EBF1: variants seen among roughly 807,000 people sequenced by gnomAD.
EBF1 encodes the protein transcription factor COE1.
Under a neutral mutation model 68.4 loss-of-function variants are expected in EBF1, and 10 were observed. The observed-to-expected ratio is 0.15, with a 90% CI of 0.09 to 0.25. The LOEUF is 0.25. Ranked by LOEUF, EBF1 falls within the 10% of genes least tolerant of loss-of-function variation. The pLI, the probability that EBF1 is intolerant of heterozygous loss-of-function variation, is 1.00. For synonymous variants in EBF1, 298 were observed against 299.8 expected, an observed-to-expected ratio of 0.99 and a Z score of 0.06; for missense variants, 509 against 794.4, an observed-to-expected ratio of 0.64 and a Z score of 4.32.
In EBF1 at chr5:159,099,356, C is replaced by A. The variant is rs761026683; in HGVS notation, c.123G>T (p.Thr41=). Residue 41 remains threonine, a synonymous_variant, in exon 1 of 16, where the codon ACG becomes ACT. Coordinates refer to ENST00000313708, the MANE Select transcript of EBF1 (RefSeq NM_024007.5). ...CGCGCAGTACCCACCTCTGCGCCGC[C>A]GTGTTGGCGTCCAGCACCCCGGCGC... is the stretch of plus-strand genomic sequence containing the variant. ...MQGAGVLDAN[T]AAQSGVGLAR... The A allele has an allele frequency of 6.3e-7, 1 of 1,588,174 alleles. No individual in the cohort carries two copies. The highest frequency in any genetic ancestry group is 8.6e-7 in the Non-Finnish European group (1 of 1,168,694).
At position 158,848,449 on chromosome 5, in the gene EBF1, C is replaced by T. The variant is rs13361537; in HGVS notation, c.555-8339G>A. On this transcript the variant is annotated intron_variant, in intron 6 of 15. Transcript: ENST00000313708. ...ATTTTAATATTTTTTGAGTTTGCTC[C>T]CAACCACTCTCACCCTATTTGTGAT... 8.6e-3 allele frequency among the ~76,000 whole-genome samples: 1,306 copies of T among 152,144 alleles called. 25 individuals carry two copies. Among genetic ancestry groups the T allele is most frequent in the African/African-American group, 0.03 (1,241 of 41,490 alleles).
chr5:158,698,616 G>A lies in EBF1; in HGVS notation c.*495C>T. 2 of 217,870 alleles carry A rather than the reference G, an allele frequency of 9.2e-6. No individual in the cohort carries two copies. The highest frequency in any genetic ancestry group is 1.8e-5 in the Non-Finnish European group (2 of 109,354). The allele number at this position is 217,870 out of a possible 1,614,324, so 13.5% of individuals were successfully genotyped here. On this transcript the variant is annotated 3_prime_UTR_variant, in exon 16 of 16. Coordinates refer to ENST00000313708, the MANE Select transcript of EBF1 (RefSeq NM_024007.5). The stretch of plus-strand genomic sequence containing the variant: ...TTAGTTTTTCTAAAAAATCTAACTG[G>A]CATTCCTATTCTGTCCCATACAAGC...
chr5:158,923,234 T>A (rs1244672960), intron 6 of EBF1, among the ~76,000 whole-genome samples: 3 of 152,306 alleles, frequency 2.0e-5, no homozygotes, highest in South Asian at 2.1e-4. Flanking sequence ...GGGGGTAAAA[T>A]TTTTTTAAAG....
At chr5:159,030,524 T>C (rs1398381424) in intron 6 of EBF1, among the ~76,000 whole-genome samples, 1 of 152,182 alleles carries the variant, frequency 6.6e-6, no homozygotes, top group Non-Finnish European at 1.5e-5. Flanking sequence ...GAAAGCCTCC[T>C]GCAGAGGCGA....
chr5:159,021,137 A>G (rs1008287664), intron 6 of EBF1, among the ~76,000 whole-genome samples: 2 of 152,206 alleles, frequency 1.3e-5, no homozygotes, highest in African/African-American at 4.8e-5. Context: ...TTCTCTCTGC[A>G]ACTTCCTTAC....
chr5:158,708,074 G>A lies in EBF1; in HGVS notation c.1649C>T (p.Ser550Leu). ...IFSFSPANMV[S>L]AVKQKSAFAP... ...GAAAGCACTCTTCTGTTTCACGGCT[G>A]AGACCATGTTGGCTGGTGAGAAGGA... is the stretch of plus-strand genomic sequence containing the variant. Residue 550 changes from serine to leucine, a missense_variant, in exon 15 of 16, where the codon TCA (serine) becomes TTA (leucine). Ser to Leu is a moderately radical substitution (Grantham distance 145). This residue lies in a region of EBF1 where 205 missense variants were observed against 247.4 expected (regional missense o/e 0.83). Coordinates refer to ENST00000313708, the MANE Select transcript of EBF1 (RefSeq NM_024007.5). 1 of 1,571,536 alleles carries A rather than the reference G, an allele frequency of 6.4e-7. No homozygotes were observed. The highest frequency in any genetic ancestry group is 8.6e-7 in the Non-Finnish European group (1 of 1,157,508).
chr5:158,953,157 A>G (rs1222119965), intron 6 of EBF1, among the ~76,000 whole-genome samples: 1 of 152,198 alleles, frequency 6.6e-6, no homozygotes, highest in Non-Finnish European at 1.5e-5. Flanking sequence ...TCCATCTGCT[A>G]ACTACACCAG....
intron 6 of EBF1, among the ~76,000 whole-genome samples, chr5:158,898,684 T>C (rs984361438): frequency 1.2e-4 from 18 of 152,226 alleles, no homozygotes; most frequent in Non-Finnish European, 2.2e-4. Flanking sequence ...CTGCACTCAG[T>C]GTGGCTGTCA....
chr5:159,033,204 G>C (rs7734385), intron 6 of EBF1, among the ~76,000 whole-genome samples: 1 of 152,022 alleles, frequency 6.6e-6, no homozygotes, highest in Non-Finnish European at 1.5e-5. Context: ...ACGTTTACCC[G>C]CTTTGCAGCC....
At chr5:158,955,390 A>G (rs1816862281) in intron 6 of EBF1, among the ~76,000 whole-genome samples, 1 of 152,124 alleles carries the variant, frequency 6.6e-6, no homozygotes, top group Non-Finnish European at 1.5e-5. Flanking sequence ...CAGGACTTAG[A>G]GCTAAAAAAC....
At chr5:159,053,996 C>T (rs948711490) in intron 6 of EBF1, among the ~76,000 whole-genome samples, 7 of 152,214 alleles carry the variant, frequency 4.6e-5, no homozygotes, top group African/African-American at 1.7e-4. Flanking sequence ...CCCAAAGCAC[C>T]ATGAGGCCAG....
chr5:159,089,219 G>C (rs1031864844), intron 4 of EBF1, among the ~76,000 whole-genome samples: 37 of 152,018 alleles, frequency 2.4e-4, no homozygotes, highest in African/African-American at 8.9e-4. Context: ...ACTAAAAGAA[G>C]AAGAAAACAT....
intron 10 of EBF1, among the ~76,000 whole-genome samples, chr5:158,739,666 C>A (rs1208502150): frequency 1.3e-5 from 2 of 152,148 alleles, no homozygotes; most frequent in African/African-American, 4.8e-5. Flanking sequence ...TTCTGTCTTT[C>A]TTAACATTTA....
At chr5:158,948,849 T>C (rs1040983658) in intron 6 of EBF1, among the ~76,000 whole-genome samples, 2 of 152,206 alleles carry the variant, frequency 1.3e-5, no homozygotes, top group African/African-American at 4.8e-5. Context: ...CTTCCTCCCC[T>C]ACTTCATTCC....
intron 6 of EBF1, among the ~76,000 whole-genome samples, chr5:158,997,549 CA>C (rs752707128): frequency 2.0e-5 from 3 of 152,154 alleles, no homozygotes; most frequent in Non-Finnish European, 4.4e-5. Flanking sequence ...CCCATTCTGC[CA>C]AATCCAACTG....
chr5:158,768,650 T>C (rs1233361727), intron 10 of EBF1, among the ~76,000 whole-genome samples: 1 of 152,126 alleles, frequency 6.6e-6, no homozygotes, highest in Non-Finnish European at 1.5e-5. Flanking sequence ...CGTCTCTTCG[T>C]TAACTTTAAC....
intron 8 of EBF1, among the ~76,000 whole-genome samples, chr5:158,811,277 T>C (rs1782606660): frequency 6.6e-6 from 1 of 152,206 alleles, no homozygotes; most frequent in Non-Finnish European, 1.5e-5. Context: ...ATCTGGCTTT[T>C]CAATTTGCCT....
intron 10 of EBF1, among the ~76,000 whole-genome samples, chr5:158,769,706 GA>G (rs971543297): frequency 1.1e-4 from 17 of 151,826 alleles, no homozygotes; most frequent in African/African-American, 4.1e-4. Context: ...TCTGATCAGG[GA>G]AAAATCATAT....
At chr5:158,771,587 G>T (rs1415062579) in intron 10 of EBF1, among the ~76,000 whole-genome samples, 4 of 152,138 alleles carry the variant, frequency 2.6e-5, no homozygotes, top group Admixed American at 2.6e-4. Flanking sequence ...AAATAAGATT[G>T]AGGAAGAGTT....
Sources: allele counts gnomAD v4.1 joint callset (sites outside exome capture counted in the v4.1 genomes callset), GRCh38; gene constraint gnomAD v4.1.1; regional missense constraint gnomAD v4.1.1; transcripts MANE v1.5; gene names NCBI Gene and HGNC (gene_info 2026-07-23, HGNC 2026-07-21).